Variants in PPFIBP1 observed in about 807,000 individuals in gnomAD.
PPFIBP1 encodes liprin-beta-1.
Under a neutral mutation model 137.8 loss-of-function variants are expected in PPFIBP1, and 112 were observed. The observed-to-expected ratio is 0.81, with a 90% CI of 0.70 to 0.95. PPFIBP1 has a LOEUF of 0.95. PPFIBP1 is among the 40% of genes least tolerant of loss of function. PPFIBP1 has a pLI of 0.00. For synonymous variants in PPFIBP1, 378 were observed against 417.3 expected (o/e 0.91, Z 1.15); for missense variants, 1,083 against 1,196.6 (o/e 0.91, Z 1.40).
At chr12:27,622,465 A>G (rs1363121375) in intron 2 of PPFIBP1, among the ~76,000 whole-genome samples, 1 of 152,238 alleles carries the variant, frequency 6.6e-6, no homozygotes, top group Non-Finnish European at 1.5e-5. Flanking sequence ...CTGTACTTAC[A>G]GTAGACCGGT....
At chr12:27,560,113 G>C in intron 1 of PPFIBP1, among the ~76,000 whole-genome samples, 1 of 152,198 alleles carries the variant, frequency 6.6e-6, no homozygotes, top group East Asian at 1.9e-4. Flanking sequence ...CAGAAGTTTT[G>C]TCTTTGTGTA....
intron 24 of PPFIBP1, among the ~76,000 whole-genome samples, chr12:27,684,372 G>C (rs2061073982): frequency 6.6e-6 from 1 of 152,162 alleles, no homozygotes; most frequent in Non-Finnish European, 1.5e-5. Context: ...GCCTCCCAAA[G>C]TGCTGGGATT....
chr12:27,628,304 G>A (rs1251187137), intron 2 of PPFIBP1, among the ~76,000 whole-genome samples: 4 of 152,068 alleles, frequency 2.6e-5, no homozygotes, highest in Admixed American at 2.0e-4. Context: ...AGCCTCCTGA[G>A]CAGCTGGAAC....
At chr12:27,631,013 A>G (rs1198262351) in intron 2 of PPFIBP1, among the ~76,000 whole-genome samples, 1 of 152,174 alleles carries the variant, frequency 6.6e-6, no homozygotes, top group African/African-American at 2.4e-5. Flanking sequence ...AAGACCAGTC[A>G]ACTGGCAACA....
chr12:27,539,637 G>C (rs978101177), intron 1 of PPFIBP1, among the ~76,000 whole-genome samples: 6 of 152,170 alleles, frequency 3.9e-5, no homozygotes, highest in Admixed American at 1.3e-4. Flanking sequence ...GGGAGTAGAA[G>C]GGTGGAGAGC....
At chr12:27,583,843 G>C (rs2051394109) in intron 2 of PPFIBP1, among the ~76,000 whole-genome samples, 1 of 152,182 alleles carries the variant, frequency 6.6e-6, no homozygotes, top group South Asian at 2.1e-4. Context: ...CCTCTATCCA[G>C]AGGGTGACTT....
chr12:27,663,532 A>G (rs1309447975), intron 11 of PPFIBP1, among the ~76,000 whole-genome samples: 3 of 151,928 alleles, frequency 2.0e-5, no homozygotes, highest in Admixed American at 1.3e-4. Flanking sequence ...CAAGTGCCAT[A>G]TGGAGGTCAA....
Position 27,693,023 on chromosome 12 carries a change from G to A in PPFIBP1, c.*141G>A. 2.2e-6 allele frequency: 3 copies of A among 1,362,010 alleles called. No individual in the cohort carries two copies. The highest frequency in any genetic ancestry group is 2.6e-5 in the East Asian group (1 of 38,926). The allele number at this position is 1,362,010 out of a possible 1,614,324, so 84.4% of individuals were successfully genotyped here. ...TGCTGTCGAGAAGTTTAAACAGAAAGCAGGAGTAATGTGCCGATTCTGAAG... is the reference window on the plus strand; with the variant it reads ...TGCTGTCGAGAAGTTTAAACAGAAAACAGGAGTAATGTGCCGATTCTGAAG... On this transcript the variant is annotated 3_prime_UTR_variant, in exon 30 of 30. Transcript: ENST00000228425.
At chr12:27,631,364 G>C (rs946391051) in intron 2 of PPFIBP1, among the ~76,000 whole-genome samples, 15 of 152,062 alleles carry the variant, frequency 9.9e-5, no homozygotes, top group Non-Finnish European at 1.9e-4. Context: ...CCAGTCCCTG[G>C]CTACCTGTTT....
chr12:27,613,937 C>T (rs182030328), intron 2 of PPFIBP1, among the ~76,000 whole-genome samples: 34 of 152,274 alleles, frequency 2.2e-4, no homozygotes, highest in South Asian at 8.3e-4. Flanking sequence ...CACGTCCATA[C>T]AGCACTGCTC....
intron 1 of PPFIBP1, among the ~76,000 whole-genome samples, chr12:27,524,959 C>T (rs1218920853): frequency 1.3e-5 from 2 of 152,090 alleles, no homozygotes; most frequent in African/African-American, 4.8e-5. Context: ...TCTAAAACTG[C>T]AACTAGTATT....
intron 2 of PPFIBP1, chr12:27,599,571 T>C (rs1171309376): frequency 2.2e-6 from 1 of 451,624 alleles, no homozygotes; most frequent in Non-Finnish European, 4.4e-6. Context: ...TTCTCCTTCC[T>C]TCCTTTCATC....
chr12:27,603,157 G>A (rs940224397), intron 2 of PPFIBP1, among the ~76,000 whole-genome samples: 3 of 152,092 alleles, frequency 2.0e-5, no homozygotes, highest in African/African-American at 4.8e-5. Context: ...TTTTCAAATC[G>A]TTATTAATTC....
Position 27,573,651 on chromosome 12 carries a change from A to G in PPFIBP1, c.-123-4501A>G, listed in dbSNP as rs1431744706. Among the ~76,000 whole-genome samples the G allele has an allele frequency of 3.3e-5, 5 of 152,196 alleles. No individual in the cohort carries two copies. In the East Asian group the frequency reaches 9.6e-4, roughly 29 times the overall value. Reference sequence around the variant, plus strand: ...CAAGGATCTAGACTTTACTCTGCAGACATTGAAAACCAGTTGGAGACTAGC... The same window carrying G: ...CAAGGATCTAGACTTTACTCTGCAGGCATTGAAAACCAGTTGGAGACTAGC... On this transcript the variant is annotated intron_variant, in intron 1 of 29. Coordinates refer to ENST00000228425, the MANE Select transcript of PPFIBP1 (RefSeq NM_003622.4).
At chr12:27,529,776 T>C (rs1944203471) in intron 1 of PPFIBP1, among the ~76,000 whole-genome samples, 1 of 152,256 alleles carries the variant, frequency 6.6e-6, no homozygotes, top group Non-Finnish European at 1.5e-5. Flanking sequence ...GGCCAGATTC[T>C]TCAGGCCAGC....
chr12:27,584,001 A>G (rs1320655864), intron 2 of PPFIBP1: 1 of 152,202 alleles, frequency 6.6e-6, no homozygotes, highest in African/African-American at 2.4e-5. Flanking sequence ...AGTGATTGTG[A>G]ACACTGAATG....
chr12:27,686,914 T>C (rs1404042844), intron 24 of PPFIBP1, among the ~76,000 whole-genome samples: 4 of 151,646 alleles, frequency 2.6e-5, no homozygotes. Flanking sequence ...CTCTTGATCA[T>C]GTTCACCAAT....
At chr12:27,646,250 T>C (rs1195017980) in intron 5 of PPFIBP1, 102 bp downstream of exon 5, 2 of 894,670 alleles carry the variant, frequency 2.2e-6, no homozygotes, top group Non-Finnish European at 1.8e-6. Flanking sequence ...AGACTGCTAA[T>C]AGAAATAAGC....
intron 1 of PPFIBP1, among the ~76,000 whole-genome samples, chr12:27,564,029 C>T (rs1247537487): frequency 3.3e-5 from 5 of 152,082 alleles, no homozygotes; most frequent in Non-Finnish European, 7.4e-5. Context: ...CGTGCCACCA[C>T]GACTGGCTAA....
Sources: gnomAD v4.1 joint callset for allele counts (sites outside exome capture counted in the v4.1 genomes callset) on GRCh38, gnomAD v4.1.1 for gene constraint, MANE v1.5 for transcripts, NCBI Gene and HGNC (gene_info 2026-07-23, HGNC 2026-07-21) for gene names.